The following MAN1A2 variants were observed in gnomAD, a reference collection of about 807,000 sequenced individuals.
The protein encoded by MAN1A2 is mannosyl-oligosaccharide 1,2-alpha-mannosidase IB.
MAN1A2 carries 26 observed loss-of-function variants against 75.7 expected under a neutral mutation model. The ratio of observed to expected loss-of-function variants is 0.34; its 90% CI spans 0.25 to 0.48. MAN1A2 has a LOEUF of 0.48. Among genes scored for constraint, MAN1A2 ranks in the 20% least tolerant of loss-of-function variants. MAN1A2 has a pLI of 0.99. For synonymous variants in MAN1A2, 247 were observed against 264.6 expected, an observed-to-expected ratio of 0.93 and a Z score of 0.65; for missense variants, 562 against 775.5, an observed-to-expected ratio of 0.72 and a Z score of 3.27.
intron 2 of MAN1A2, 103 bp from the exon 3 acceptor site, chr1:117,405,446 G>A (rs368740692): frequency 4.1e-6 from 3 of 723,782 alleles, no homozygotes; most frequent in South Asian, 1.5e-5. Context: ...TATAGATCTG[G>A]AAGAATGGGC....
chr1:117,371,306 T>C (rs1207413366), intron 1 of MAN1A2, among the ~76,000 whole-genome samples: 1 of 152,230 alleles, frequency 6.6e-6, no homozygotes, highest in East Asian at 1.9e-4. Flanking sequence ...AACAAATGTA[T>C]GCCTACTGTG....
chr1:117,368,841 A>C (rs1218171736), intron 1 of MAN1A2, among the ~76,000 whole-genome samples: 2 of 152,218 alleles, frequency 1.3e-5, no homozygotes, highest in Non-Finnish European at 2.9e-5. Flanking sequence ...GCATTTATTA[A>C]TAACGTGTTG....
intron 4 of MAN1A2, among the ~76,000 whole-genome samples, chr1:117,416,186 C>G (rs975696619): frequency 1.3e-5 from 2 of 152,026 alleles, no homozygotes; most frequent in Admixed American, 6.6e-5. Flanking sequence ...TCTTTTCCTG[C>G]TACTTTTATA....
intron 12 of MAN1A2, among the ~76,000 whole-genome samples, chr1:117,513,297 T>C (rs1651603838): frequency 6.6e-6 from 1 of 152,184 alleles, no homozygotes; most frequent in Non-Finnish European, 1.5e-5. Flanking sequence ...CTGTACACTT[T>C]AAAATGGTTA....
chr1:117,465,274 G>T (rs1649948042), intron 7 of MAN1A2, among the ~76,000 whole-genome samples: 1 of 152,114 alleles, frequency 6.6e-6, no homozygotes. Context: ...GGAAGAAAAA[G>T]AATAGTATAC....
intron 1 of MAN1A2, among the ~76,000 whole-genome samples, chr1:117,394,712 G>A (rs1007129271): frequency 3.3e-5 from 5 of 152,104 alleles, no homozygotes; most frequent in African/African-American, 1.2e-4. Context: ...TGAGGAAGAG[G>A]GAGCTTCAAA....
chr1:117,423,904 C>T (rs774803429), intron 5 of MAN1A2, among the ~76,000 whole-genome samples: 5 of 140,224 alleles, frequency 3.6e-5, no homozygotes, highest in East Asian at 2.0e-4. Context: ...TTTTTTGAGA[C>T]GGAGTTTTGC....
chr1:117,439,588 G>A (rs1481942997), intron 5 of MAN1A2, among the ~76,000 whole-genome samples: 1 of 151,948 alleles, frequency 6.6e-6, no homozygotes, highest in Non-Finnish European at 1.5e-5. Context: ...CCGCCTCCCG[G>A]GTTCAAATGA....
intron 1 of MAN1A2, among the ~76,000 whole-genome samples, chr1:117,395,730 T>C (rs144198143): frequency 1.9e-3 from 292 of 152,316 alleles, no homozygotes; most frequent in Non-Finnish European, 3.1e-3. Flanking sequence ...CTAGATTTTT[T>C]TGGAAACCTT....
intron 12 of MAN1A2, among the ~76,000 whole-genome samples, chr1:117,521,940 C>G (rs1244158570): frequency 6.6e-6 from 1 of 151,872 alleles, no homozygotes; most frequent in Non-Finnish European, 1.5e-5. Flanking sequence ...ATGGAAAAAC[C>G]AAGCATCGTA....
intron 5 of MAN1A2, among the ~76,000 whole-genome samples, chr1:117,423,233 T>A (rs1648255384): frequency 6.6e-6 from 1 of 152,220 alleles, no homozygotes; most frequent in African/African-American, 2.4e-5. Flanking sequence ...TGTTTTGTTC[T>A]CTTGATTTAT....
intron 2 of MAN1A2, among the ~76,000 whole-genome samples, chr1:117,404,598 T>C (rs965433753): frequency 7.9e-5 from 12 of 152,152 alleles, no homozygotes; most frequent in African/African-American, 2.9e-4. Flanking sequence ...GACCATCAGA[T>C]TGCAGAATAA....
In MAN1A2 at chr1:117,525,740, T is replaced by G. The variant is rs1651997740; in HGVS notation, c.*2783T>G. 1 of 151,750 alleles carries G rather than the reference T, an allele frequency of 6.6e-6. No homozygotes were observed. 9.4% of individuals were successfully genotyped at this position (151,750 alleles called of 1,614,324 possible). On this transcript the variant is annotated 3_prime_UTR_variant, in exon 13 of 13. Coordinates refer to ENST00000356554, the MANE Select transcript of MAN1A2 (RefSeq NM_006699.5). ...CTTTTTATGTTAAACCAGATTATTATTATTATTATTATTCAACCAGTATTA... is the reference window on the plus strand; with the variant it reads ...CTTTTTATGTTAAACCAGATTATTAGTATTATTATTATTCAACCAGTATTA...
At chr1:117,395,863 A>G (rs770001413) in intron 1 of MAN1A2, among the ~76,000 whole-genome samples, 1 of 152,220 alleles carries the variant, frequency 6.6e-6, no homozygotes, top group Non-Finnish European at 1.5e-5. Context: ...GATAATTTGC[A>G]AGGACTCACA....
At chr1:117,487,556 T>C (rs1650750988) in intron 8 of MAN1A2, among the ~76,000 whole-genome samples, 2 of 152,058 alleles carry the variant, frequency 1.3e-5, no homozygotes, top group Non-Finnish European at 2.9e-5. Flanking sequence ...AGTTGATGTC[T>C]AAGAAAAGAC....
chr1:117,501,170 A>T (rs1001591808), intron 11 of MAN1A2, among the ~76,000 whole-genome samples: 2 of 151,744 alleles, frequency 1.3e-5, no homozygotes, highest in East Asian at 1.9e-4. Context: ...ACTTTAGCCC[A>T]TGTCTGTCTA....
intron 1 of MAN1A2, among the ~76,000 whole-genome samples, chr1:117,400,885 C>A (rs1047870939): frequency 7.2e-5 from 11 of 152,106 alleles, no homozygotes; most frequent in Non-Finnish European, 1.5e-5. Context: ...CCATCTTAAC[C>A]ATTTTAATGT....
rs12084686 is a variant in MAN1A2 at position 117,402,995 on chromosome 1, C to T, written c.558+554C>T. 1.1e-3 allele frequency among the ~76,000 whole-genome samples: 168 copies of T among 152,128 alleles called. No individual in the cohort carries two copies. The Middle Eastern group carries it at 0.031, about 28-fold the overall frequency. ...AATTTATTTAGCCTCAGAAGTCTTT[C>T]AATTTGTTATTCTGTAGTTACTTAA... On this transcript the variant is annotated intron_variant, in intron 2 of 12. Transcript: ENST00000356554.
intron 4 of MAN1A2, among the ~76,000 whole-genome samples, chr1:117,415,204 C>T (rs1451231403): frequency 6.6e-6 from 1 of 152,002 alleles, no homozygotes; most frequent in African/African-American, 2.4e-5. Flanking sequence ...TGAGAAAGTT[C>T]CTTATCTTCC....
Sources: gnomAD v4.1 joint callset for allele counts (sites outside exome capture counted in the v4.1 genomes callset) on GRCh38, gnomAD v4.1.1 for gene constraint, MANE v1.5 for transcripts, NCBI Gene and HGNC (gene_info 2026-07-23, HGNC 2026-07-21) for gene names.